The following SH3BGRL2 variants were observed in gnomAD, a reference collection of about 807,000 sequenced individuals.
The protein encoded by SH3BGRL2 is SH3 domain binding glutamate rich protein like 2, also known as SH3 domain-binding glutamic acid-rich-like protein 2.
Under a neutral mutation model 14.8 loss-of-function variants are expected in SH3BGRL2, and 21 were observed. The observed-to-expected ratio is 1.42, with a 90% CI of 1.01 to 2.05. SH3BGRL2 has a LOEUF of 2.05. Among genes scored for constraint, SH3BGRL2 ranks in the 30% most tolerant of loss-of-function variants. The probability of loss-of-function intolerance (pLI) is 0.00; values close to 1 mark genes in which losing one functional copy is unlikely to be tolerated. For missense variants in SH3BGRL2, 147 were observed against 130.8 expected (o/e 1.12, Z -0.61); for synonymous variants, 50 against 47.8 (o/e 1.05, Z -0.19).
chr6:79,669,222 A>G (rs77322433), intron 1 of SH3BGRL2, among the ~76,000 whole-genome samples: 18,153 of 152,150 alleles, frequency 0.12, 1,235 homozygotes, highest in Non-Finnish European at 0.15. Flanking sequence ...ATAAATAAAT[A>G]AAATTTTAAT....
intron 1 of SH3BGRL2, among the ~76,000 whole-genome samples, chr6:79,657,556 T>G (rs1025808877): frequency 6.6e-6 from 1 of 152,186 alleles, no homozygotes; most frequent in Non-Finnish European, 1.5e-5. Flanking sequence ...AACTTAAACA[T>G]AGTTTTGAGA....
chr6:79,607,956 AAAAG>A, the SH3BGRL2 span, among the ~76,000 whole-genome samples: 17 of 152,296 alleles, frequency 1.1e-4, no homozygotes, highest in South Asian at 3.3e-3. Flanking sequence ...AAAAAAAAGA[AAAAG>A]AAAAGAGGTT....
the SH3BGRL2 span, among the ~76,000 whole-genome samples, chr6:79,610,403 A>G: frequency 3.3e-5 from 5 of 152,330 alleles, no homozygotes; most frequent in African/African-American, 1.2e-4. Context: ...AAAGGTAGAG[A>G]GGTCTCATAC....
At chr6:79,659,567 A>G (rs1050748580) in intron 1 of SH3BGRL2, among the ~76,000 whole-genome samples, 1 of 152,192 alleles carries the variant, frequency 6.6e-6, no homozygotes, top group Non-Finnish European at 1.5e-5. Context: ...GAAGTCAGGT[A>G]GCGTGATGCC....
chr6:79,561,951 T>A, the SH3BGRL2 span, among the ~76,000 whole-genome samples: 1 of 152,152 alleles, frequency 6.6e-6, no homozygotes, highest in Non-Finnish European at 1.5e-5. Flanking sequence ...CTAGAAGGTA[T>A]GGGGAAGGAG....
At chr6:79,556,552 C>T in the SH3BGRL2 span, among the ~76,000 whole-genome samples, 2 of 151,984 alleles carry the variant, frequency 1.3e-5, no homozygotes, top group African/African-American at 4.8e-5. Flanking sequence ...TTCTTATACT[C>T]TTTGGGAGTA....
Position 79,702,215 on chromosome 6 carries a change from C to T in SH3BGRL2, c.*2706C>T, listed in dbSNP as rs1318070954. On this transcript the variant is annotated 3_prime_UTR_variant, in exon 4 of 4. Transcript: ENST00000369838. ...CTGTTTTATAGATTTAATTCAATAC[C>T]TCCACATAGATGTTTTTATATTACA... 6.6e-6 allele frequency: 1 copy of T among 152,458 alleles called. No homozygotes were observed. Among genetic ancestry groups the T allele is most frequent in the Non-Finnish European group, 1.5e-5 (1 of 68,010 alleles). The allele number at this position is 152,458 out of a possible 1,614,324, so 9.4% of individuals were successfully genotyped here.
chr6:79,540,315 G>A, the SH3BGRL2 span, among the ~76,000 whole-genome samples: 271 of 152,056 alleles, frequency 1.8e-3, 2 homozygotes, highest in African/African-American at 6.2e-3. Context: ...GGTGCCTGTA[G>A]TCCCAGCTAC....
chr6:79,587,667 C>G, the SH3BGRL2 span, among the ~76,000 whole-genome samples: 3 of 152,138 alleles, frequency 2.0e-5, 1 homozygote, highest in Non-Finnish European at 2.9e-5. Flanking sequence ...TTCTTCTACC[C>G]TCTTAAGTTC....
At chr6:79,632,828 A>T (rs1304825711) in intron 1 of SH3BGRL2, among the ~76,000 whole-genome samples, 1 of 152,204 alleles carries the variant, frequency 6.6e-6, no homozygotes, top group Admixed American at 6.5e-5. Context: ...TGTGTTTGCA[A>T]ACTGGCACTG....
the SH3BGRL2 span, among the ~76,000 whole-genome samples, chr6:79,555,755 G>A: frequency 1.1e-3 from 167 of 152,006 alleles, no homozygotes; most frequent in Middle Eastern, 0.01. Context: ...TGATCTGCCC[G>A]CCTTGGCGTC....
intron 2 of SH3BGRL2, among the ~76,000 whole-genome samples, chr6:79,679,561 C>G (rs915846102): frequency 6.6e-6 from 1 of 151,976 alleles, no homozygotes; most frequent in Non-Finnish European, 1.5e-5. Flanking sequence ...TGTCTGTTTA[C>G]CCTATTGATA....
chr6:79,572,249 CTGA>C, the SH3BGRL2 span, among the ~76,000 whole-genome samples: 3 of 152,174 alleles, frequency 2.0e-5, no homozygotes, highest in East Asian at 1.9e-4. Context: ...ATTAATGTAC[CTGA>C]TGATATCGTT....
chr6:79,670,930 A>G (rs887173480), intron 1 of SH3BGRL2, among the ~76,000 whole-genome samples: 1 of 152,218 alleles, frequency 6.6e-6, no homozygotes, highest in African/African-American at 2.4e-5. Context: ...AAGCCTTCCC[A>G]AGGACTGTCT....
chr6:79,681,516 A>C (rs1769987561), intron 2 of SH3BGRL2, among the ~76,000 whole-genome samples: 1 of 152,178 alleles, frequency 6.6e-6, no homozygotes, highest in Non-Finnish European at 1.5e-5. Context: ...AATTTTCAGC[A>C]GGAGTATGAA....
At chr6:79,553,283 T>G in the SH3BGRL2 span, 1 of 152,206 alleles carries the variant, frequency 6.6e-6, no homozygotes, top group Non-Finnish European at 1.5e-5. Context: ...GTATGTTTTG[T>G]TAGTAAGAAT....
chr6:79,648,438 G>A (rs1051641817), intron 1 of SH3BGRL2, among the ~76,000 whole-genome samples: 3 of 149,978 alleles, frequency 2.0e-5, no homozygotes, highest in African/African-American at 7.4e-5. Flanking sequence ...TTTGCATTGT[G>A]TCTAGTAAGA....
chr6:79,633,019 A>G (rs1044525020), intron 1 of SH3BGRL2, among the ~76,000 whole-genome samples: 2 of 152,244 alleles, frequency 1.3e-5, no homozygotes, highest in Admixed American at 6.5e-5. Flanking sequence ...AAGTCGGACC[A>G]AGTCAAGGTA....
the SH3BGRL2 span, among the ~76,000 whole-genome samples, chr6:79,606,255 C>A: frequency 1.8e-3 from 270 of 152,224 alleles, no homozygotes; most frequent in African/African-American, 6.0e-3. Flanking sequence ...AGTCTTAGGG[C>A]AATACTTACA....
Sources: gnomAD v4.1 joint callset for allele counts (sites outside exome capture counted in the v4.1 genomes callset) on GRCh38, gnomAD v4.1.1 for gene constraint, MANE v1.5 for transcripts, NCBI Gene and HGNC (gene_info 2026-07-23, HGNC 2026-07-21) for gene names.